Variants in CREB5 observed in about 807,000 individuals in gnomAD.
CREB5 encodes cAMP responsive element binding protein 5, also known as cyclic AMP-responsive element-binding protein 5.
Under a neutral mutation model 57.1 loss-of-function variants are expected in CREB5, and 19 were observed. That is an observed-to-expected ratio of 0.33 (90% CI 0.23 to 0.49). CREB5 has a LOEUF of 0.49. CREB5 is among the 20% of genes least tolerant of loss of function. The probability of loss-of-function intolerance (pLI) is 0.99; values close to 1 mark genes in which losing one functional copy is unlikely to be tolerated. For missense variants in CREB5, 579 were observed against 671.6 expected (o/e 0.86, Z 1.52); for synonymous variants, 238 against 238.3 (o/e 1.00, Z 0.01).
chr7:28,733,601 A>T (rs1803792905), intron 7 of CREB5, among the ~76,000 whole-genome samples: 1 of 152,154 alleles, frequency 6.6e-6, no homozygotes, highest in African/African-American at 2.4e-5. Context: ...GGCAGGAGCC[A>T]TGCCTTCTTC....
chr7:28,629,064 C>T (rs746335537), intron 5 of CREB5, among the ~76,000 whole-genome samples: 4 of 152,194 alleles, frequency 2.6e-5, no homozygotes, highest in Non-Finnish European at 4.4e-5. Context: ...CTCTTGCCAC[C>T]TGTGTCATCT....
intron 5 of CREB5, among the ~76,000 whole-genome samples, chr7:28,713,881 T>C (rs1802537308): frequency 6.6e-6 from 1 of 152,202 alleles, no homozygotes. Context: ...TTTAATTCTG[T>C]TCTCCACCAA....
At chr7:28,628,797 G>C (rs1798097549) in intron 5 of CREB5, among the ~76,000 whole-genome samples, 1 of 152,128 alleles carries the variant, frequency 6.6e-6, no homozygotes, top group African/African-American at 2.4e-5. Flanking sequence ...CCTCTCATTG[G>C]CCAGACACTG....
chr7:28,533,544 G>A (rs1025919027), intron 4 of CREB5, among the ~76,000 whole-genome samples: 23 of 152,278 alleles, frequency 1.5e-4, no homozygotes, highest in Non-Finnish European at 2.4e-4. Context: ...CAGGATTTCC[G>A]GAAGGACATA....
chr7:28,551,821 T>TTTTCTTTCTTTCTTTCTTTCTTTCTTTC (rs10625343), intron 4 of CREB5, among the ~76,000 whole-genome samples: 110 of 147,532 alleles, frequency 7.5e-4, no homozygotes, highest in African/African-American at 2.5e-3. Context: ...CCTCTATGAT[T>TTTTCTTTCTTTCTTTCTTTCTTTCTTTC]TTTCTTTCTT....
At chr7:28,547,417 A>G (rs1794463050) in intron 4 of CREB5, among the ~76,000 whole-genome samples, 1 of 152,178 alleles carries the variant, frequency 6.6e-6, no homozygotes, top group Admixed American at 6.5e-5. Context: ...ATCCAAAAAG[A>G]GAAAGTCAGT....
intron 3 of CREB5, among the ~76,000 whole-genome samples, chr7:28,504,796 C>A (rs1187902148): frequency 6.6e-6 from 1 of 152,138 alleles, no homozygotes; most frequent in Admixed American, 6.5e-5. Context: ...CACTGTCTTG[C>A]ATATCCTTGG....
rs189363031 is a variant in CREB5 at position 28,760,977 on chromosome 7, C to G, written c.702+36645C>G. 8.5e-5 allele frequency among the ~76,000 whole-genome samples: 13 copies of G among 152,298 alleles called. No individual in the cohort carries two copies. The East Asian group carries it at 2.5e-3, about 29-fold the overall frequency. On this transcript the variant is annotated intron_variant, in intron 7 of 10. Transcript: ENST00000357727. ...AGGAGCATATATTCTTCTACTTGCACAAAGCGTAGCACATATAGGAGGCTC... is the reference window on the plus strand; with the variant it reads ...AGGAGCATATATTCTTCTACTTGCAGAAAGCGTAGCACATATAGGAGGCTC...
In CREB5 at chr7:28,824,956, G is replaced by A. The variant is rs1213450031; in HGVS notation, c.*5677G>A. On this transcript the variant is annotated 3_prime_UTR_variant, in exon 11 of 11. Transcript: ENST00000357727. ...CTAGCTCATTAGAAGCCAGGATCTA[G>A]AAAGCTCCTTCTAAGCCATTTAAGA... is the stretch of plus-strand genomic sequence containing the variant. 1 of 152,602 alleles carries A rather than the reference G, an allele frequency of 6.6e-6. No individual in the cohort carries two copies. Among genetic ancestry groups the A allele is most frequent in the Non-Finnish European group, 1.5e-5 (1 of 68,030 alleles). The allele number at this position is 152,602 out of a possible 1,614,324, so 9.5% of individuals were successfully genotyped here. A position where few individuals can be genotyped will look rare whatever the true frequency, so the allele number is the denominator to read the frequency against.
intron 1 of CREB5, among the ~76,000 whole-genome samples, chr7:28,332,585 C>T (rs899262021): frequency 1.3e-5 from 2 of 152,198 alleles, no homozygotes; most frequent in Non-Finnish European, 2.9e-5. Context: ...TTCCCGTCTC[C>T]TCACACCCCC....
At chr7:28,761,957 G>A (rs996173739) in intron 7 of CREB5, among the ~76,000 whole-genome samples, 6 of 152,108 alleles carry the variant, frequency 3.9e-5, no homozygotes, top group Non-Finnish European at 7.3e-5. Flanking sequence ...ATAAAGTAGT[G>A]TGAAACATGT....
At chr7:28,659,644 T>C (rs989260449) in intron 5 of CREB5, among the ~76,000 whole-genome samples, 3 of 152,114 alleles carry the variant, frequency 2.0e-5, no homozygotes, top group Admixed American at 6.5e-5. Context: ...AATTTAAACA[T>C]ACAAAAAAAC....
intron 5 of CREB5, among the ~76,000 whole-genome samples, chr7:28,671,323 T>A (rs1800029888): frequency 6.6e-6 from 1 of 152,116 alleles, no homozygotes; most frequent in Admixed American, 6.6e-5. Context: ...TATTGTCAAG[T>A]GAGTTCAGAC....
chr7:28,382,061 G>C (rs113021263), intron 1 of CREB5, among the ~76,000 whole-genome samples: 318 of 152,298 alleles, frequency 2.1e-3, no homozygotes, highest in African/African-American at 6.9e-3. Context: ...AGTTCAAGGC[G>C]GAAGGCCCGA....
intron 5 of CREB5, among the ~76,000 whole-genome samples, chr7:28,703,439 G>T (rs754636494): frequency 6.6e-6 from 1 of 152,102 alleles, no homozygotes; most frequent in Non-Finnish European, 1.5e-5. Flanking sequence ...ACTAGTCAGG[G>T]TTCTCCAGAA....
intron 5 of CREB5, among the ~76,000 whole-genome samples, chr7:28,597,747 A>G (rs867598534): frequency 3.3e-5 from 5 of 152,128 alleles, no homozygotes; most frequent in South Asian, 2.1e-4. Flanking sequence ...AGCTTAGCTG[A>G]ATCTTTCTGG....
At chr7:28,801,806 G>T (rs886763148) in intron 7 of CREB5, among the ~76,000 whole-genome samples, 7 of 152,046 alleles carry the variant, frequency 4.6e-5, no homozygotes, top group African/African-American at 1.4e-4. Context: ...AGTAAACATG[G>T]CCGGGTGTGG....
At chr7:28,713,063 T>C (rs1054401017) in intron 5 of CREB5, among the ~76,000 whole-genome samples, 1 of 152,190 alleles carries the variant, frequency 6.6e-6, no homozygotes, top group Non-Finnish European at 1.5e-5. Context: ...ATTTATTTTT[T>C]ATTTTTTGAA....
At position 28,734,206 on chromosome 7, in the gene CREB5, CAAAAAA is replaced by C. The variant is rs61403862; in HGVS notation, c.702+9893_702+9898del. 2.5e-3 allele frequency among the ~76,000 whole-genome samples: 241 copies of C among 96,452 alleles called. 1 individual carries two copies. Among genetic ancestry groups the C allele is most frequent in the African/African-American group, 0.01 (227 of 22,402 alleles). The allele number at this position is 96,452 out of a possible 152,430, so 63.3% of individuals were successfully genotyped here. Reference sequence around the variant, plus strand: ...CTGCAGGCCCAAGGCTTCAGTAGTTCAAAAAAAAAAAAAAAAAAAAAAAACACAAAC... The same window carrying C: ...CTGCAGGCCCAAGGCTTCAGTAGTTCAAAAAAAAAAAAAAAAAACACAAAC... On this transcript the variant is annotated intron_variant, in intron 7 of 10. Transcript: ENST00000357727.
Sources: allele counts gnomAD v4.1 joint callset (sites outside exome capture counted in the v4.1 genomes callset), GRCh38; gene constraint gnomAD v4.1.1; transcripts MANE v1.5; gene names NCBI Gene and HGNC (gene_info 2026-07-23, HGNC 2026-07-21).